COL24A1: variants seen among roughly 807,000 people sequenced by gnomAD.
COL24A1 encodes the protein collagen alpha-1(XXIV) chain.
A neutral mutation model predicts 253.9 loss-of-function variants in COL24A1; 224 were observed. That is an observed-to-expected ratio of 0.88 (90% CI 0.79 to 0.99). The LOEUF (loss-of-function observed/expected upper bound fraction) is 0.99. Among genes scored for constraint, COL24A1 ranks in the 50% least tolerant of loss-of-function variants. The probability of loss-of-function intolerance (pLI) is 0.00; values close to 1 mark genes in which losing one functional copy is unlikely to be tolerated. For synonymous variants in COL24A1, 685 were observed against 673.7 expected, an observed-to-expected ratio of 1.02 and a Z score of -0.26; for missense variants, 2,131 against 2,068.5, an observed-to-expected ratio of 1.03 and a Z score of -0.59.
intron 7 of COL24A1, among the ~76,000 whole-genome samples, chr1:86,086,381 G>A (rs118151484): frequency 6.6e-6 from 1 of 152,116 alleles, no homozygotes; most frequent in East Asian, 1.9e-4. Flanking sequence ...CTGAGAAACA[G>A]CGTGGCAAGC....
chr1:85,956,593 A>G lies in COL24A1; in HGVS notation c.2562+4656T>C, dbSNP rs533032614. On this transcript the variant is annotated intron_variant, in intron 24 of 59. Coordinates refer to ENST00000370571, the MANE Select transcript of COL24A1 (RefSeq NM_152890.7). ...TGGGTTATGTTTTAAGAGATGAAACAATGTGGCCAGACTACTGGACAATCA... is the reference window on the plus strand; with the variant it reads ...TGGGTTATGTTTTAAGAGATGAAACGATGTGGCCAGACTACTGGACAATCA... Among the ~76,000 whole-genome samples the G allele has an allele frequency of 3.9e-5, 6 of 152,366 alleles. No individual in the cohort carries two copies. The South Asian group carries it at 1.2e-3, about 32-fold the overall frequency.
At chr1:85,769,989 G>A (rs1383844363) in intron 53 of COL24A1, among the ~76,000 whole-genome samples, 1 of 152,088 alleles carries the variant, frequency 6.6e-6, no homozygotes. Context: ...CCCAGCCACA[G>A]TACTTGGAGA....
chr1:86,088,630 C>T (rs1417974245), intron 7 of COL24A1, among the ~76,000 whole-genome samples: 2 of 152,172 alleles, frequency 1.3e-5, no homozygotes, highest in African/African-American at 4.8e-5. Context: ...ACTAGCTGTC[C>T]CCAATCCTCA....
At chr1:85,934,083 C>T (rs1315577612) in intron 24 of COL24A1, among the ~76,000 whole-genome samples, 1 of 152,142 alleles carries the variant, frequency 6.6e-6, no homozygotes, top group African/African-American at 2.4e-5. Context: ...CCAGAAAATC[C>T]ATTTCCAAGA....
intron 7 of COL24A1, among the ~76,000 whole-genome samples, chr1:86,077,506 A>G (rs974625573): frequency 6.6e-6 from 1 of 152,226 alleles, no homozygotes; most frequent in Non-Finnish European, 1.5e-5. Flanking sequence ...CCAAAAGATT[A>G]TAAATCAGTC....
intron 41 of COL24A1, 128 bp downstream of exon 41, chr1:85,841,934 TCCAGAA>T: frequency 1.5e-6 from 1 of 658,452 alleles, no homozygotes; most frequent in Non-Finnish European, 2.6e-6. Context: ...ATTTTTTTCT[TCCAGAA>T]TTAGTAAAAT....
rs561337000 is a variant in COL24A1 at position 86,094,639 on chromosome 1, A to G, written c.1600-2319T>C. On this transcript the variant is annotated intron_variant, in intron 5 of 59. Transcript: ENST00000370571. ...CTGAACTTCAAATTTTTTTTTTTCT[A>G]TAAGGAAAGTTTGTCTTCCAGGTTG... 2.2e-3 allele frequency among the ~76,000 whole-genome samples: 330 copies of G among 151,830 alleles called. 1 individual carries two copies. The highest frequency in any genetic ancestry group is 7.7e-3 in the African/African-American group (319 of 41,424).
intron 24 of COL24A1, among the ~76,000 whole-genome samples, chr1:85,936,429 A>G (rs1239250240): frequency 6.8e-6 from 1 of 147,554 alleles, no homozygotes; most frequent in Non-Finnish European, 1.5e-5. Flanking sequence ...GGCAGAAGGG[A>G]CTATGACCCA....
chr1:85,788,675 C>T lies in COL24A1; in HGVS notation c.3952-2214G>A, dbSNP rs577486208. Among the ~76,000 whole-genome samples, 85 of 152,244 alleles carry T rather than the reference C, an allele frequency of 5.6e-4. 1 individual carries two copies. The Middle Eastern group carries it at 0.017, about 30-fold the overall frequency. ...TGAATAGTATTGCCTAGATTTTCTT[C>T]TAGGGTTTTTATAGTTTTGTGTTTT... On this transcript the variant is annotated intron_variant, in intron 47 of 59. Coordinates refer to ENST00000370571, the MANE Select transcript of COL24A1 (RefSeq NM_152890.7).
chr1:85,862,958 T>C (rs1679334118), intron 37 of COL24A1, among the ~76,000 whole-genome samples: 1 of 152,198 alleles, frequency 6.6e-6, no homozygotes, highest in Admixed American at 6.5e-5. Context: ...GCATGGAATG[T>C]TCTTCCATTT....
intron 41 of COL24A1, among the ~76,000 whole-genome samples, chr1:85,841,678 C>G (rs1429510615): frequency 3.3e-5 from 5 of 151,996 alleles, no homozygotes; most frequent in Non-Finnish European, 5.9e-5. Context: ...GGATTGCTTG[C>G]TTGGTTTGAG....
At chr1:86,014,700 C>G (rs987599293) in intron 19 of COL24A1, among the ~76,000 whole-genome samples, 1 of 151,906 alleles carries the variant, frequency 6.6e-6, no homozygotes, top group African/African-American at 2.4e-5. Context: ...CCTTTTATTC[C>G]TCTCTCTTAC....
intron 7 of COL24A1, among the ~76,000 whole-genome samples, chr1:86,088,507 T>C (rs967566152): frequency 1.3e-4 from 20 of 151,386 alleles, no homozygotes; most frequent in Non-Finnish European, 2.4e-4. Context: ...GTTATACTTC[T>C]GTTAATCCAG....
At chr1:85,933,154 C>T (rs1361892229) in intron 24 of COL24A1, among the ~76,000 whole-genome samples, 1 of 145,080 alleles carries the variant, frequency 6.9e-6, no homozygotes, top group African/African-American at 2.6e-5. Context: ...ATGTAAAAAA[C>T]TTGTATAGTT....
intron 47 of COL24A1, among the ~76,000 whole-genome samples, chr1:85,800,927 A>C (rs1408028832): frequency 6.6e-6 from 1 of 152,222 alleles, no homozygotes; most frequent in Non-Finnish European, 1.5e-5. Flanking sequence ...AATTAAAAAA[A>C]TGGGATAAAG....
chr1:85,901,305 C>G (rs556723645), intron 28 of COL24A1, among the ~76,000 whole-genome samples: 5 of 152,048 alleles, frequency 3.3e-5, no homozygotes, highest in Non-Finnish European at 5.9e-5. Flanking sequence ...AAAAAATGCT[C>G]AACATCACTA....
chr1:85,833,892 C>G (rs897605506), intron 43 of COL24A1, among the ~76,000 whole-genome samples: 1 of 142,596 alleles, frequency 7.0e-6, no homozygotes, highest in African/African-American at 2.6e-5. Context: ...TGCATGTTCT[C>G]ACTTATAGGT....
intron 47 of COL24A1, among the ~76,000 whole-genome samples, chr1:85,791,986 C>T (rs994835629): frequency 1.3e-5 from 2 of 152,052 alleles, no homozygotes; most frequent in African/African-American, 2.4e-5. Flanking sequence ...CAAAGCATGA[C>T]ATTTTTCTCA....
chr1:86,132,839 G>T (rs199729762), intron 2 of COL24A1, among the ~76,000 whole-genome samples: 1 of 151,956 alleles, frequency 6.6e-6, no homozygotes, highest in Non-Finnish European at 1.5e-5. Flanking sequence ...GGATGGACTT[G>T]GCAATGCGGG....
Sources: gnomAD v4.1 joint callset for allele counts (sites outside exome capture counted in the v4.1 genomes callset) on GRCh38, gnomAD v4.1.1 for gene constraint, MANE v1.5 for transcripts, NCBI Gene and HGNC (gene_info 2026-07-23, HGNC 2026-07-21) for gene names.